MARCHF5: variants seen among roughly 807,000 people sequenced by gnomAD.
The protein encoded by MARCHF5 is membrane associated ring-CH-type finger 5.
Under a neutral mutation model 36.5 loss-of-function variants are expected in MARCHF5, and 5 were observed. The observed-to-expected ratio is 0.14, with a 90% confidence interval of 0.07 to 0.29. The LOEUF is 0.29. Ranked by LOEUF, MARCHF5 falls within the 10% of genes least tolerant of loss-of-function variation. The pLI, the probability that MARCHF5 is intolerant of heterozygous loss-of-function variation, is 1.00. For missense variants in MARCHF5, 179 were observed against 336.3 expected (o/e 0.53, Z 3.66); for synonymous variants, 103 against 109.9 (o/e 0.94, Z 0.39).
At position 92,351,071 on chromosome 10, in the gene MARCHF5, A is replaced by T; in HGVS notation, c.721-20A>T. The T allele has an allele frequency of 7.2e-7, 1 of 1,387,996 alleles. No individual in the cohort carries two copies. Among genetic ancestry groups the T allele is most frequent in the Non-Finnish European group, 1.0e-6 (1 of 982,828 alleles). 86.0% of individuals were successfully genotyped at this position (1,387,996 alleles called of 1,614,324 possible). A position where few individuals can be genotyped will look rare whatever the true frequency, so the allele number is the denominator to read the frequency against. ...CTCTAAATCTGCATTATAAAAAGCT[A>T]ATTTTCCTTTTTATTTTAGGGTGGA... On this transcript the variant is annotated intron_variant, in intron 5 of 5. Transcript: ENST00000358935.
chr10:92,321,921 CT>C (rs1385412612), intron 2 of MARCHF5, among the ~76,000 whole-genome samples: 1 of 151,912 alleles, frequency 6.6e-6, no homozygotes, highest in Non-Finnish European at 1.5e-5. Context: ...TTTGAATCTT[CT>C]CTTTTTTTCT....
At chr10:92,302,738 C>G (rs1306166058) in intron 1 of MARCHF5, among the ~76,000 whole-genome samples, 1 of 152,162 alleles carries the variant, frequency 6.6e-6, no homozygotes, top group East Asian at 1.9e-4. Flanking sequence ...GCCACCGTGC[C>G]CGGCCTAACA....
intron 2 of MARCHF5, chr10:92,333,511 C>T (rs940437739): frequency 3.5e-6 from 1 of 282,802 alleles, no homozygotes; most frequent in Non-Finnish European, 5.3e-6. Flanking sequence ...CCCTTGCCCC[C>T]TGGGAGTTTT....
chr10:92,291,503 C>T lies in MARCHF5; in HGVS notation c.9C>T (p.Asp3=). MP[D]QALQQMLDRS... ...CGCCGGCTCCGCGGAAGATGCCGGA[C>T]CAAGCCCTACAGCAGATGCTGGACA... The change falls in exon 1 of 6, where the codon GAC becomes GAT. Residue 3 remains aspartate (D), a synonymous_variant. Transcript: ENST00000358935. 6.5e-7 allele frequency: 1 copy of T among 1,548,434 alleles called. No homozygotes were observed. The highest frequency in any genetic ancestry group is 1.4e-5 in the African/African-American group (1 of 72,678).
chr10:92,307,214 C>CGT (rs1397211377), intron 1 of MARCHF5, among the ~76,000 whole-genome samples: 5,375 of 82,346 alleles, frequency 0.065, 167 homozygotes, highest in Non-Finnish European at 0.1. Context: ...TGTGTGTGTG[C>CGT]GCGTGCATGC....
In MARCHF5 at chr10:92,291,451, A is replaced by T; in HGVS notation, c.-44A>T. On this transcript the variant is annotated 5_prime_UTR_variant, in exon 1 of 6. Coordinates refer to ENST00000358935, the MANE Select transcript of MARCHF5 (RefSeq NM_017824.5). ...GCTATTGTCCCTGGGCCTGGCCTTG[A>T]GCGGGTCCACTGGGGAAGGCCGTGT... 1 of 1,500,800 alleles carries T rather than the reference A, an allele frequency of 6.7e-7. No individual in the cohort carries two copies. Among genetic ancestry groups the T allele is most frequent in the Non-Finnish European group, 9.1e-7 (1 of 1,102,186 alleles). The allele number at this position is 1,500,800 out of a possible 1,614,324, so 93.0% of individuals were successfully genotyped here.
Position 92,337,024 on chromosome 10 carries a change from G to T in MARCHF5, c.239-3649G>T, listed in dbSNP as rs1276862332. 2.6e-5 allele frequency among the ~76,000 whole-genome samples: 4 copies of T among 151,814 alleles called. No homozygotes were observed. The South Asian group carries it at 8.3e-4, about 32-fold the overall frequency. ...TGTAGTCCCAGCTACTTGGGAGGCTGAAGCAGAGGACTGCTTGAGCCCAGG... is the reference window on the plus strand; with the variant it reads ...TGTAGTCCCAGCTACTTGGGAGGCTTAAGCAGAGGACTGCTTGAGCCCAGG... On this transcript the variant is annotated intron_variant, in intron 2 of 5. Coordinates refer to ENST00000358935, the MANE Select transcript of MARCHF5 (RefSeq NM_017824.5).
intron 2 of MARCHF5, among the ~76,000 whole-genome samples, chr10:92,317,255 C>A (rs979240148): frequency 1.3e-5 from 2 of 152,042 alleles, no homozygotes; most frequent in African/African-American, 4.8e-5. Flanking sequence ...TGCGCCAGCA[C>A]GCCTGACTAA....
chr10:92,301,426 AG>A (rs1368256821), intron 1 of MARCHF5, among the ~76,000 whole-genome samples: 10 of 152,212 alleles, frequency 6.6e-5, no homozygotes, highest in African/African-American at 2.4e-4. Context: ...CAGTGAAAAA[AG>A]CTGATGATTT....
At chr10:92,340,172 G>A (rs937120953) in intron 2 of MARCHF5, among the ~76,000 whole-genome samples, 15 of 152,090 alleles carry the variant, frequency 9.9e-5, no homozygotes, top group South Asian at 8.3e-4. Flanking sequence ...TCACTCTACC[G>A]TGGCCAGTAT....
chr10:92,311,398 G>A, intron 2 of MARCHF5, 61 bp downstream of exon 2: 1 of 1,194,950 alleles, frequency 8.4e-7, no homozygotes, highest in South Asian at 1.6e-5. Flanking sequence ...AACTTTATAA[G>A]TTCATTTTAA....
At chr10:92,295,965 T>C (rs2135173632) in intron 1 of MARCHF5, among the ~76,000 whole-genome samples, 1 of 151,942 alleles carries the variant, frequency 6.6e-6, no homozygotes, top group South Asian at 2.1e-4. Flanking sequence ...AACCTCCGCC[T>C]CTCGGGTTCG....
chr10:92,347,511 T>TG (rs1843660574), intron 3 of MARCHF5, among the ~76,000 whole-genome samples: 1 of 101,366 alleles, frequency 9.9e-6, no homozygotes, highest in African/African-American at 3.7e-5. Context: ...GATAGATAGA[T>TG]AGATAGATAG....
At chr10:92,319,716 G>T (rs866164584) in intron 2 of MARCHF5, among the ~76,000 whole-genome samples, 1 of 149,702 alleles carries the variant, frequency 6.7e-6, no homozygotes, top group Non-Finnish European at 1.5e-5. Context: ...GTGCAGTGGC[G>T]CAATCTCGGC....
chr10:92,311,255 T>A lies in MARCHF5; in HGVS notation c.156T>A (p.Asp52Glu), dbSNP rs1843140961. The A allele has an allele frequency of 6.2e-7, 1 of 1,613,766 alleles. No homozygotes were observed. Among genetic ancestry groups the A allele is most frequent in the South Asian group, 1.1e-5 (1 of 91,068 alleles). The change falls in exon 2 of 6, where the codon GAT becomes GAA. Residue 52 changes from aspartate to glutamate, a missense_variant. By Grantham distance (45) the Asp-to-Glu change is conservative (BLOSUM62 2). This residue lies in a region of MARCHF5 where 66 missense variants were observed against 180.5 expected (regional missense o/e 0.37). Transcript: ENST00000358935. The part of the protein sequence containing the change: ...VHQACLQRWV[D>E]EKQRGNSTAR... ...AGGCCTGTCTACAACGCTGGGTGGA[T>A]GAAAAGCAAAGAGGAAACAGTACAG...
intron 1 of MARCHF5, among the ~76,000 whole-genome samples, chr10:92,291,822 C>A (rs929721293): frequency 1.3e-5 from 2 of 151,986 alleles, no homozygotes; most frequent in Admixed American, 6.5e-5. Flanking sequence ...GTTTTCCTTA[C>A]CCTCTTCCCC....
At chr10:92,338,683 A>C (rs560161519) in intron 2 of MARCHF5, among the ~76,000 whole-genome samples, 1 of 152,328 alleles carries the variant, frequency 6.6e-6, no homozygotes, top group African/African-American at 2.4e-5. Flanking sequence ...ACATAGCGAT[A>C]TTATTGGCTC....
intron 2 of MARCHF5, among the ~76,000 whole-genome samples, chr10:92,330,599 A>G (rs1358690820): frequency 1.3e-5 from 2 of 152,166 alleles, no homozygotes; most frequent in South Asian, 2.1e-4. Context: ...ATATACCACA[A>G]GTTTTTTCTC....
intron 2 of MARCHF5, among the ~76,000 whole-genome samples, chr10:92,328,865 C>G (rs1254577399): frequency 7.5e-6 from 1 of 133,908 alleles, no homozygotes; most frequent in African/African-American, 2.8e-5. Context: ...AGTTTGTGTG[C>G]TTCTTATTGC....
Sources: gnomAD v4.1 joint callset for allele counts (sites outside exome capture counted in the v4.1 genomes callset) on GRCh38, gnomAD v4.1.1 for gene constraint, gnomAD v4.1.1 regional missense constraint, MANE v1.5 for transcripts, NCBI Gene and HGNC (gene_info 2026-07-23, HGNC 2026-07-21) for gene names.